The following CTNNA1 variants were observed in gnomAD, a reference collection of about 807,000 sequenced individuals.
The protein encoded by CTNNA1 is catenin alpha 1.
In CTNNA1, 37 loss-of-function variants were observed where a neutral mutation model predicts 98.4. That is an observed-to-expected ratio of 0.38 (90% CI 0.29 to 0.49). CTNNA1 has a LOEUF of 0.49. CTNNA1 is among the 20% of genes least tolerant of loss of function. The pLI is 0.95. For missense variants in CTNNA1, 761 were observed against 1,147.2 expected (o/e 0.66, Z 4.86); for synonymous variants, 404 against 413.2 (o/e 0.98, Z 0.27).
chr5:138,793,918 G>T (rs534573596), intron 3 of CTNNA1, among the ~76,000 whole-genome samples: 10 of 152,074 alleles, frequency 6.6e-5, no homozygotes, highest in African/African-American at 1.7e-4. Context: ...GATGGGGAAG[G>T]GGGGGAAGTT....
chr5:138,778,874 G>T (rs549938745), intron 1 of CTNNA1, among the ~76,000 whole-genome samples: 8 of 151,888 alleles, frequency 5.3e-5, no homozygotes, highest in South Asian at 2.1e-4. Context: ...GAGGGATCTA[G>T]TTCAAAGTTA....
At chr5:138,800,303 C>CTAG (rs946370594) in intron 3 of CTNNA1, among the ~76,000 whole-genome samples, 12 of 152,048 alleles carry the variant, frequency 7.9e-5, no homozygotes, top group Admixed American at 3.3e-4. Flanking sequence ...TACCTATAGA[C>CTAG]TAGTAAGATT....
At chr5:138,901,137 C>G (rs538380386) in intron 9 of CTNNA1, among the ~76,000 whole-genome samples, 1 of 152,192 alleles carries the variant, frequency 6.6e-6, no homozygotes, top group South Asian at 2.1e-4. Context: ...CTCTTCTCTT[C>G]CGCTCCCCTC....
intron 1 of CTNNA1, chr5:138,754,020 C>G (rs961638455): frequency 6.6e-6 from 1 of 152,306 alleles, no homozygotes; most frequent in African/African-American, 2.4e-5. Context: ...GCTGAGACTT[C>G]CCGATGGGGC....
chr5:138,827,664 G>T lies in CTNNA1; in HGVS notation c.1008G>T (p.Glu336Asp). The stretch of plus-strand genomic sequence containing the variant: ...ACCGTCGTGAGCGAATTGTGGCAGA[G>T]TGTAATGCTGTCCGCCAGGCCCTGC... ...RDDRRERIVA[E>D]CNAVRQALQD... The change falls in exon 7 of 18, where the codon GAG becomes GAT. Residue 336 changes from glutamate (E) to aspartate (D), a missense_variant. Physicochemically the swap from Glu to Asp is conservative, Grantham distance 45. This residue lies in a region of CTNNA1 where 287 missense variants were observed against 436.0 expected (regional missense o/e 0.66). Coordinates refer to ENST00000302763, the MANE Select transcript of CTNNA1 (RefSeq NM_001903.5). The T allele has an allele frequency of 1.2e-6, 2 of 1,614,260 alleles. No individual in the cohort carries two copies. Among genetic ancestry groups the T allele is most frequent in the Non-Finnish European group, 1.7e-6 (2 of 1,180,048 alleles).
intron 1 of CTNNA1, among the ~76,000 whole-genome samples, chr5:138,770,385 C>G (rs1257785488): frequency 6.6e-6 from 1 of 152,130 alleles, no homozygotes; most frequent in African/African-American, 2.4e-5. Flanking sequence ...TGTTAATGTT[C>G]TCAACTATAA....
chr5:138,775,714 C>CTTTTTTTTTTTTTTTTTTTTTTTT, intron 1 of CTNNA1, among the ~76,000 whole-genome samples: 1 of 82,506 alleles, frequency 1.2e-5, no homozygotes, highest in Middle Eastern at 9.3e-3. Context: ...GGAAATATTT[C>CTTTTTTTTTTTTTTTTTTTTTTTT]TTTTTTTTTT....
chr5:138,904,473 A>T, intron 10 of CTNNA1, 32 bp downstream of exon 10: 1 of 1,586,626 alleles, frequency 6.3e-7, no homozygotes, highest in Admixed American at 1.9e-5. Flanking sequence ...TGACAGCATA[A>T]CCAAATTAAA....
At chr5:138,905,007 T>A (rs1334716295) in intron 10 of CTNNA1, among the ~76,000 whole-genome samples, 1 of 146,364 alleles carries the variant, frequency 6.8e-6, no homozygotes, top group Non-Finnish European at 1.5e-5. Context: ...GGCAGCAGAA[T>A]GGCGTGAACC....
At chr5:138,890,167 G>C (rs967202590) in intron 9 of CTNNA1, among the ~76,000 whole-genome samples, 19 of 152,148 alleles carry the variant, frequency 1.2e-4, no homozygotes, top group African/African-American at 4.6e-4. Context: ...ATGAAAGTTG[G>C]GCAGGGTTGA....
At chr5:138,852,057 C>T (rs1032855939) in intron 7 of CTNNA1, among the ~76,000 whole-genome samples, 5 of 151,980 alleles carry the variant, frequency 3.3e-5, no homozygotes, top group African/African-American at 4.8e-5. Flanking sequence ...GCAACAAGAG[C>T]GAAGCTCCAT....
At chr5:138,891,574 A>G (rs1012970888) in intron 9 of CTNNA1, among the ~76,000 whole-genome samples, 3 of 152,188 alleles carry the variant, frequency 2.0e-5, no homozygotes, top group Admixed American at 2.0e-4. Context: ...CAGCCTGGCT[A>G]CATGGTGAAA....
In CTNNA1 at chr5:138,777,577, T is replaced by C. The variant is rs532465376; in HGVS notation, c.-2-4346T>C. Among the ~76,000 whole-genome samples the C allele has an allele frequency of 3.9e-3, 588 of 152,040 alleles. 1 individual carries two copies. Among genetic ancestry groups the C allele is most frequent in the African/African-American group, 0.013 (554 of 41,516 alleles). On this transcript the variant is annotated intron_variant, in intron 1 of 17. Coordinates refer to ENST00000302763, the MANE Select transcript of CTNNA1 (RefSeq NM_001903.5). ...CTCCAGCCTGGGCACCATTGAGCAC[T>C]GAGTGAACCAGACTCCGTCTGCAAT...
chr5:138,822,175 C>T (rs1056615740), intron 5 of CTNNA1, among the ~76,000 whole-genome samples: 4 of 152,170 alleles, frequency 2.6e-5, no homozygotes, highest in Admixed American at 2.0e-4. Context: ...AACATATGCA[C>T]CAGCTGTTTA....
intron 9 of CTNNA1, 174 bp downstream of exon 9, chr5:138,887,816 C>G: frequency 1.8e-6 from 1 of 553,102 alleles, no homozygotes; most frequent in Admixed American, 3.6e-5. Flanking sequence ...ATTTTGGTCA[C>G]TTTACATTAA....
chr5:138,781,810 C>G, intron 1 of CTNNA1, 113 bp from the exon 2 acceptor site: 1 of 916,138 alleles, frequency 1.1e-6, no homozygotes, highest in South Asian at 1.9e-5. Context: ...ATTTTTTCAT[C>G]TATAGTGAAT....
intron 1 of CTNNA1, among the ~76,000 whole-genome samples, chr5:138,771,881 A>G (rs1039189240): frequency 1.3e-5 from 2 of 152,178 alleles, no homozygotes; most frequent in East Asian, 3.8e-4. Context: ...CCTGATTTGC[A>G]TTTAAACGAA....
intron 1 of CTNNA1, among the ~76,000 whole-genome samples, chr5:138,779,657 CATGCAA>C (rs1415965777): frequency 2.0e-5 from 3 of 152,030 alleles, no homozygotes; most frequent in Non-Finnish European, 2.9e-5. Flanking sequence ...CATGAACCAC[CATGCAA>C]ATGGTATTTA....
In CTNNA1 at chr5:138,763,915, G is replaced by A. The variant is rs1036924806; in HGVS notation, c.-3+10405G>A. On this transcript the variant is annotated intron_variant, in intron 1 of 17. Coordinates refer to ENST00000302763, the MANE Select transcript of CTNNA1 (RefSeq NM_001903.5). ...TTTAGAAACCTGCCATTTAGGCTGG[G>A]TGCGGTGGCTCACGCCTTTAATCCC... Among the ~76,000 whole-genome samples, 8 of 152,328 alleles carry A rather than the reference G, an allele frequency of 5.3e-5. No homozygotes were observed. The South Asian group carries it at 1.7e-3, about 32-fold the overall frequency.
Sources: gnomAD v4.1 joint callset for allele counts (sites outside exome capture counted in the v4.1 genomes callset) on GRCh38, gnomAD v4.1.1 for gene constraint, gnomAD v4.1.1 regional missense constraint, MANE v1.5 for transcripts, NCBI Gene and HGNC (gene_info 2026-07-23, HGNC 2026-07-21) for gene names.